CLEC2L: variants seen among roughly 807,000 people sequenced by gnomAD.
The protein encoded by CLEC2L is C-type lectin domain family 2 member L, also known as C-type lectin domain family 2, member L.
CLEC2L carries 14 observed loss-of-function variants against 23.6 expected under a neutral mutation model. The ratio of observed to expected loss-of-function variants is 0.59; its 90% CI spans 0.39 to 0.93. CLEC2L has a LOEUF of 0.93. CLEC2L is among the 40% of genes least tolerant of loss of function. The pLI, the probability that CLEC2L is intolerant of heterozygous loss-of-function variation, is 0.00. For synonymous variants in CLEC2L, 114 were observed against 121.3 expected (o/e 0.94, Z 0.40); for missense variants, 264 against 282.4 (o/e 0.93, Z 0.47).
chr7:139,540,077 T>G lies in CLEC2L; in HGVS notation c.266-244T>G. 2.0e-6 allele frequency: 1 copy of G among 499,808 alleles called. No homozygotes were observed. The highest frequency in any genetic ancestry group is 2.4e-5 in the South Asian group (1 of 42,464). The allele number at this position is 499,808 out of a possible 1,614,324, so 31.0% of individuals were successfully genotyped here. A position where few individuals can be genotyped will look rare whatever the true frequency, so the allele number is the denominator to read the frequency against. The stretch of plus-strand genomic sequence containing the variant: ...TCTGGGAGTTTGGAGACAGAGGAGA[T>G]CCTAACCCAGGGGCTGCCCTGCTGT... On this transcript the variant is annotated intron_variant, in intron 2 of 4. Transcript: ENST00000422142. This position sits in a 1 kb window ranked among gnomAD's most constrained non-coding sequence, Gnocchi z 5.8.
At chr7:139,534,610 GGT>G in intron 1 of CLEC2L, 1 of 682,192 alleles carries the variant, frequency 1.5e-6, no homozygotes, top group Admixed American at 2.1e-5. Flanking sequence ...AGGTGAGTAC[GGT>G]GTGCTGTAGC....
chr7:139,543,273 C>A (rs1797763644), intron 4 of CLEC2L, among the ~76,000 whole-genome samples: 1 of 152,206 alleles, frequency 6.6e-6, no homozygotes, highest in Non-Finnish European at 1.5e-5. Flanking sequence ...CCTTTCCTGT[C>A]CCCCTCTCAG....
intron 1 of CLEC2L, among the ~76,000 whole-genome samples, chr7:139,530,933 A>G (rs567479749): frequency 1.3e-5 from 2 of 152,248 alleles, no homozygotes; most frequent in South Asian, 2.1e-4. Flanking sequence ...TCCCTCAGCT[A>G]GCCCTGTATT....
chr7:139,537,127 G>A (rs557863183), intron 2 of CLEC2L, among the ~76,000 whole-genome samples: 6 of 151,948 alleles, frequency 3.9e-5, no homozygotes, highest in African/African-American at 9.7e-5. Context: ...CAATAATAGA[G>A]GTATTACTGC....
At position 139,540,159 on chromosome 7, in the gene CLEC2L, A is replaced by G. The variant is rs1410255741; in HGVS notation, c.266-162A>G. 9.1e-6 allele frequency: 6 copies of G among 660,076 alleles called. No homozygotes were observed. The highest frequency in any genetic ancestry group is 5.5e-5 in the African/African-American group (3 of 54,826). 40.9% of individuals were successfully genotyped at this position (660,076 alleles called of 1,614,324 possible). A position where few individuals can be genotyped will look rare whatever the true frequency, so the allele number is the denominator to read the frequency against. On this transcript the variant is annotated intron_variant, in intron 2 of 4. Coordinates refer to ENST00000422142, the MANE Select transcript of CLEC2L (RefSeq NM_001080511.4). The surrounding 1 kb of genome is among the most constrained non-coding windows in gnomAD (Gnocchi z 5.8). ...CTTCCCACAGTCCCCTTTCTCATTC[A>G]TTTAGTGGCCACCCTTTTACCTCCA...
intron 1 of CLEC2L, among the ~76,000 whole-genome samples, chr7:139,534,970 A>C (rs527504411): frequency 1.9e-4 from 29 of 151,948 alleles, no homozygotes; most frequent in Admixed American, 5.2e-4. Flanking sequence ...GTAAAAAAAA[A>C]AAAAACAAAA....
At chr7:139,542,326 T>A (rs1250673285) in intron 4 of CLEC2L, among the ~76,000 whole-genome samples, 1 of 152,176 alleles carries the variant, frequency 6.6e-6, no homozygotes, top group African/African-American at 2.4e-5. Flanking sequence ...CCTGGCTTGG[T>A]GGCTCTGCCC....
chr7:139,541,448 C>A (rs1797735116), intron 3 of CLEC2L, among the ~76,000 whole-genome samples: 1 of 152,134 alleles, frequency 6.6e-6, no homozygotes, highest in Non-Finnish European at 1.5e-5. Context: ...GTCTTAGCAA[C>A]AGAAACGTGA....
chr7:139,533,387 G>A (rs923647125), intron 1 of CLEC2L, among the ~76,000 whole-genome samples: 1 of 152,154 alleles, frequency 6.6e-6, no homozygotes, highest in Admixed American at 6.5e-5. Flanking sequence ...ACAGAGTCTC[G>A]CTTTGTCGCT....
Position 139,540,286 on chromosome 7 carries a change from G to T in CLEC2L, c.266-35G>T. Reference sequence around the variant, plus strand: ...AAGCAGAGTGGGACTCGGGCTGGGGGGGCGGGCAGGGCCGAGCTGGTCTCT... The same window carrying T: ...AAGCAGAGTGGGACTCGGGCTGGGGTGGCGGGCAGGGCCGAGCTGGTCTCT... On this transcript the variant is annotated intron_variant, in intron 2 of 4. Transcript: ENST00000422142. This position sits in a 1 kb window ranked among gnomAD's most constrained non-coding sequence, Gnocchi z 5.8. 1 of 1,575,460 alleles carries T rather than the reference G, an allele frequency of 6.3e-7. No individual in the cohort carries two copies. Among genetic ancestry groups the T allele is most frequent in the South Asian group, 1.2e-5 (1 of 86,560 alleles).
intron 1 of CLEC2L, among the ~76,000 whole-genome samples, chr7:139,525,294 A>G (rs1446739915): frequency 6.6e-6 from 1 of 152,042 alleles, no homozygotes; most frequent in African/African-American, 2.4e-5. Flanking sequence ...GGACATAACC[A>G]GCAGCTGGGC....
Position 139,540,610 on chromosome 7 carries a change from C to A in CLEC2L, c.432+123C>A. ...CCTGTGACACGTCTCCAAAGCCGCC[C>A]ACCTGCTGCATAACCACTTGGGGTG... is the stretch of plus-strand genomic sequence containing the variant. On this transcript the variant is annotated intron_variant, in intron 3 of 4. Transcript: ENST00000422142. This position sits in a 1 kb window ranked among gnomAD's most constrained non-coding sequence, Gnocchi z 5.8. 1.8e-6 allele frequency: 2 copies of A among 1,124,948 alleles called. No homozygotes were observed. The highest frequency in any genetic ancestry group is 2.6e-6 in the Non-Finnish European group (2 of 774,836). 69.7% of individuals were successfully genotyped at this position (1,124,948 alleles called of 1,614,324 possible).
Position 139,542,031 on chromosome 7 carries a change from T to C in CLEC2L, c.443T>C (p.Phe148Ser), listed in dbSNP as rs769671880. Residue 148 changes from phenylalanine to serine, a missense_variant, in exon 4 of 5, where the codon TTC (phenylalanine) becomes TCC (serine). Coordinates refer to ENST00000422142, the MANE Select transcript of CLEC2L (RefSeq NM_001080511.4). Reference sequence around the variant, plus strand: ...TTTTCCTCGGTGCAGGAATTTATGTTCAAGTTCACGCGGAGGGAGCCCTGG... The same window carrying C: ...TTTTCCTCGGTGCAGGAATTTATGTCCAAGTTCACGCGGAGGGAGCCCTGG... ...IQSQKELEFM[F>S]KFTRREPWIG... 1 of 1,611,642 alleles carries C rather than the reference T, an allele frequency of 6.2e-7. No homozygotes were observed. Among genetic ancestry groups the C allele is most frequent in the Non-Finnish European group, 8.5e-7 (1 of 1,178,900 alleles).
At chr7:139,524,415 G>A (rs553249959) in intron 1 of CLEC2L, among the ~76,000 whole-genome samples, 4 of 152,380 alleles carry the variant, frequency 2.6e-5, no homozygotes, top group Admixed American at 2.0e-4. Context: ...CACGCATGAA[G>A]GGGACAAACA....
Position 139,544,556 on chromosome 7 carries a change from A to C in CLEC2L, c.*214A>C. 1.7e-6 allele frequency: 1 copy of C among 586,252 alleles called. No homozygotes were observed. Among genetic ancestry groups the C allele is most frequent in the Admixed American group, 3.0e-5 (1 of 33,454 alleles). 36.3% of individuals were successfully genotyped at this position (586,252 alleles called of 1,614,324 possible). On this transcript the variant is annotated 3_prime_UTR_variant, in exon 5 of 5. Coordinates refer to ENST00000422142, the MANE Select transcript of CLEC2L (RefSeq NM_001080511.4). ...AGGCAGGTCGTGTGGCTCAGCAGTT[A>C]AATCCCATATGCTAGGTAGTGTAGG...
At position 139,524,001 on chromosome 7, in the gene CLEC2L, C is replaced by G; in HGVS notation, c.74C>G (p.Pro25Arg). ...CTCGCCGCGCGCCCCGCGCCCGCCC[C>G]CGCCGCCCCCAGGCCGCGTTCGCCC... ...PPLAARPAPAPAAPRPRSPAE... is the reference protein window; with the variant it reads ...PPLAARPAPARAAPRPRSPAE... Residue 25 changes from proline (P) to arginine (R), a missense_variant, in exon 1 of 5, where the codon CCC (proline) becomes CGC (arginine). Coordinates refer to ENST00000422142, the MANE Select transcript of CLEC2L (RefSeq NM_001080511.4). 9.3e-7 allele frequency: 1 copy of G among 1,073,110 alleles called. No individual in the cohort carries two copies. Among genetic ancestry groups the G allele is most frequent in the Non-Finnish European group, 1.1e-6 (1 of 885,988 alleles). The allele number at this position is 1,073,110 out of a possible 1,614,324, so 66.5% of individuals were successfully genotyped here.
At position 139,544,501 on chromosome 7, in the gene CLEC2L, A is replaced by T. The variant is rs1006517641; in HGVS notation, c.*159A>T. 1.7e-6 allele frequency: 1 copy of T among 602,602 alleles called. No individual in the cohort carries two copies. The highest frequency in any genetic ancestry group is 1.9e-5 in the African/African-American group (1 of 53,886). The allele number at this position is 602,602 out of a possible 1,614,324, so 37.3% of individuals were successfully genotyped here. On this transcript the variant is annotated 3_prime_UTR_variant, in exon 5 of 5. Coordinates refer to ENST00000422142, the MANE Select transcript of CLEC2L (RefSeq NM_001080511.4). ...CCCTCTCCCAGGCCCTGGCGCTCTG[A>T]GTCCCTGGTTCCTGGCCTCCTTTGT...
At chr7:139,525,021 C>A (rs12665981) in intron 1 of CLEC2L, among the ~76,000 whole-genome samples, 10 of 151,928 alleles carry the variant, frequency 6.6e-5, no homozygotes, top group Non-Finnish European at 1.2e-4. Flanking sequence ...CATGACGTAT[C>A]CCAGGCCAGG....
chr7:139,527,608 G>T (rs138375462), intron 1 of CLEC2L, among the ~76,000 whole-genome samples: 1 of 152,102 alleles, frequency 6.6e-6, no homozygotes, highest in Non-Finnish European at 1.5e-5. Flanking sequence ...CGGAGAGCCC[G>T]CCTGGGTTCT....
Sources: allele counts gnomAD v4.1 joint callset (sites outside exome capture counted in the v4.1 genomes callset), GRCh38; gene constraint gnomAD v4.1.1; non-coding constraint Gnocchi (gnomAD v3.1); transcripts MANE v1.5; gene names NCBI Gene and HGNC (gene_info 2026-07-23, HGNC 2026-07-21).